The following AFG1L variants were observed in gnomAD, a reference collection of about 807,000 sequenced individuals.
AFG1L encodes the protein AFG1-like ATPase.
AFG1L carries 53 observed loss-of-function variants against 62.2 expected under a neutral mutation model. The observed-to-expected ratio is 0.85, with a 90% CI of 0.68 to 1.07. The LOEUF (loss-of-function observed/expected upper bound fraction) is 1.07. Among genes scored for constraint, AFG1L ranks in the 50% least tolerant of loss-of-function variants. The pLI, the probability that AFG1L is intolerant of heterozygous loss-of-function variation, is 0.00. For missense variants in AFG1L, 555 were observed against 590.5 expected (o/e 0.94, Z 0.62); for synonymous variants, 228 against 210.3 (o/e 1.08, Z -0.73).
rs191866677 is a variant in AFG1L at position 108,308,104 on chromosome 6, T to C, written c.139+12886T>C. On this transcript the variant is annotated intron_variant, in intron 1 of 12. Coordinates refer to ENST00000368977, the MANE Select transcript of AFG1L (RefSeq NM_145315.5). ...TGTAGCTTGCTTTTTAATTTTATTT[T>C]TTCATTTATCTCTTATCTTATAAGT... Among the ~76,000 whole-genome samples the C allele has an allele frequency of 1.6e-3, 245 of 152,314 alleles. 1 individual carries two copies. Among genetic ancestry groups the C allele is most frequent in the African/African-American group, 5.6e-3 (232 of 41,568 alleles).
At chr6:108,357,090 C>T (rs1056385530) in intron 5 of AFG1L, among the ~76,000 whole-genome samples, 1 of 151,958 alleles carries the variant, frequency 6.6e-6, no homozygotes, top group Non-Finnish European at 1.5e-5. Context: ...CACACACACA[C>T]ATATTTTAAG....
At chr6:108,498,280 C>T (rs1192767940) in intron 10 of AFG1L, among the ~76,000 whole-genome samples, 2 of 152,118 alleles carry the variant, frequency 1.3e-5, no homozygotes, top group Non-Finnish European at 2.9e-5. Context: ...AAGTTGCAAT[C>T]CAAAGGATAT....
chr6:108,353,404 C>T (rs1249265946), intron 3 of AFG1L, among the ~76,000 whole-genome samples: 2 of 152,118 alleles, frequency 1.3e-5, no homozygotes, highest in Non-Finnish European at 2.9e-5. Flanking sequence ...AATTCTCCCT[C>T]CTCGGCCTCC....
At chr6:108,515,142 G>C (rs1774825311) in intron 11 of AFG1L, among the ~76,000 whole-genome samples, 1 of 152,150 alleles carries the variant, frequency 6.6e-6, no homozygotes, top group Non-Finnish European at 1.5e-5. Context: ...TCTGCACCAA[G>C]CGGACCTAAT....
intron 8 of AFG1L, among the ~76,000 whole-genome samples, chr6:108,460,943 C>T (rs1772439526): frequency 6.6e-6 from 1 of 152,116 alleles, no homozygotes; most frequent in Non-Finnish European, 1.5e-5. Context: ...GGCGACAGAG[C>T]GAGACTCCGT....
chr6:108,520,252 TC>T (rs1178642856), intron 12 of AFG1L: 2 of 155,806 alleles, frequency 1.3e-5, no homozygotes, highest in Non-Finnish European at 2.9e-5. Flanking sequence ...GGCTGGCTAG[TC>T]CAGGACCATG....
At chr6:108,336,140 A>T (rs992377736) in intron 2 of AFG1L, among the ~76,000 whole-genome samples, 3 of 152,228 alleles carry the variant, frequency 2.0e-5, no homozygotes, top group Non-Finnish European at 4.4e-5. Flanking sequence ...GAAACCTGAA[A>T]TGATCTACTT....
chr6:108,429,398 C>T (rs900488840), intron 7 of AFG1L, among the ~76,000 whole-genome samples: 1 of 152,078 alleles, frequency 6.6e-6, no homozygotes, highest in Admixed American at 6.6e-5. Flanking sequence ...ATAAAACCAT[C>T]AGATCTTGTG....
intron 6 of AFG1L, among the ~76,000 whole-genome samples, chr6:108,386,273 C>A (rs1487361982): frequency 6.6e-6 from 1 of 151,916 alleles, no homozygotes; most frequent in Non-Finnish European, 1.5e-5. Context: ...ACCAGCCTGG[C>A]CAACATGGTG....
chr6:108,409,724 A>G (rs2114654065), intron 7 of AFG1L, among the ~76,000 whole-genome samples: 1 of 152,310 alleles, frequency 6.6e-6, no homozygotes, highest in South Asian at 2.1e-4. Flanking sequence ...GAAAAAGCAG[A>G]TGATAGAATC....
intron 7 of AFG1L, among the ~76,000 whole-genome samples, chr6:108,417,753 T>C (rs1223091521): frequency 6.6e-6 from 1 of 152,176 alleles, no homozygotes. Flanking sequence ...TCATATGACA[T>C]AGTATCTTTA....
chr6:108,336,731 C>T (rs1312888530), intron 2 of AFG1L, among the ~76,000 whole-genome samples: 3 of 152,126 alleles, frequency 2.0e-5, no homozygotes, highest in Non-Finnish European at 2.9e-5. Context: ...TTTTTTCCAA[C>T]TTTTCATTTT....
intron 3 of AFG1L, among the ~76,000 whole-genome samples, chr6:108,354,391 G>A (rs1267874792): frequency 6.6e-6 from 1 of 151,702 alleles, no homozygotes. Flanking sequence ...TGCAACCTCC[G>A]CCTCCCAGGT....
intron 6 of AFG1L, among the ~76,000 whole-genome samples, chr6:108,374,075 T>C (rs35153558): frequency 0.087 from 13,241 of 152,192 alleles, 779 homozygotes; most frequent in South Asian, 0.18. Context: ...CATTTGTGTT[T>C]CTCTCGTGAT....
At chr6:108,513,493 C>T (rs1279161306) in intron 11 of AFG1L, among the ~76,000 whole-genome samples, 1 of 152,210 alleles carries the variant, frequency 6.6e-6, no homozygotes, top group Non-Finnish European at 1.5e-5. Flanking sequence ...GAGGGTTCTA[C>T]ACCCACAGAG....
intron 3 of AFG1L, among the ~76,000 whole-genome samples, chr6:108,349,248 C>T (rs968110605): frequency 2.0e-5 from 3 of 152,040 alleles, no homozygotes; most frequent in African/African-American, 4.8e-5. Context: ...CTTTGGTAGG[C>T]CGAGGCGAGT....
At chr6:108,401,867 G>C in intron 6 of AFG1L, 129 bp from the exon 7 acceptor site, 2 of 516,550 alleles carry the variant, frequency 3.9e-6, no homozygotes, top group Non-Finnish European at 6.9e-6. Flanking sequence ...AATCAATTTT[G>C]GTCTTTTTTT....
intron 1 of AFG1L, among the ~76,000 whole-genome samples, chr6:108,316,854 T>C (rs935949169): frequency 6.6e-6 from 1 of 152,124 alleles, no homozygotes; most frequent in Non-Finnish European, 1.5e-5. Flanking sequence ...TTAACAGATA[T>C]ATATGTTCTA....
intron 5 of AFG1L, among the ~76,000 whole-genome samples, chr6:108,364,092 T>C (rs1044706938): frequency 1.3e-5 from 2 of 152,232 alleles, no homozygotes; most frequent in Non-Finnish European, 2.9e-5. Context: ...ACTACCCTTA[T>C]TGGTAATCTG....
Sources: gnomAD v4.1 joint callset for allele counts (sites outside exome capture counted in the v4.1 genomes callset) on GRCh38, gnomAD v4.1.1 for gene constraint, MANE v1.5 for transcripts, NCBI Gene and HGNC (gene_info 2026-07-23, HGNC 2026-07-21) for gene names.